The following GALNT13 variants were observed in gnomAD, a reference collection of about 807,000 sequenced individuals.
The protein encoded by GALNT13 is UDP-GalNAc:polypeptide N-acetylgalactosaminyltransferase 13.
A neutral mutation model predicts 64.2 loss-of-function variants in GALNT13; 28 were observed. The ratio of observed to expected loss-of-function variants is 0.44; its 90% CI spans 0.32 to 0.60. The LOEUF is 0.60. GALNT13 is among the 20% of genes least tolerant of loss of function. The pLI is 0.05. For missense variants in GALNT13, 577 were observed against 669.8 expected (o/e 0.86, Z 1.53); for synonymous variants, 214 against 224.6 (o/e 0.95, Z 0.42).
chr2:153,126,239 T>C, the GALNT13 span, among the ~76,000 whole-genome samples: 12 of 149,420 alleles, frequency 8.0e-5, no homozygotes, highest in Admixed American at 7.4e-4. Flanking sequence ...TGATGAAGAA[T>C]TGTATTTGTA....
intron 3 of GALNT13, among the ~76,000 whole-genome samples, chr2:153,979,557 G>A (rs115135528): frequency 2.2e-3 from 336 of 152,198 alleles, no homozygotes; most frequent in African/African-American, 7.8e-3. Context: ...ATTTCAATAG[G>A]TATTGATATG....
the GALNT13 span, among the ~76,000 whole-genome samples, chr2:153,280,947 A>T: frequency 3.3e-4 from 50 of 152,192 alleles, 2 homozygotes; most frequent in Non-Finnish European, 5.9e-5. Flanking sequence ...GACTGGCGCA[A>T]TGCTGTAAGT....
chr2:154,219,210 C>T (rs1688199957), intron 4 of GALNT13, among the ~76,000 whole-genome samples: 1 of 152,004 alleles, frequency 6.6e-6, no homozygotes, highest in Non-Finnish European at 1.5e-5. Flanking sequence ...GACTACAATG[C>T]AGGCACTGTG....
At chr2:153,736,561 A>C in the GALNT13 span, among the ~76,000 whole-genome samples, 79 of 152,292 alleles carry the variant, frequency 5.2e-4, no homozygotes, top group African/African-American at 1.9e-3. Flanking sequence ...AAGAACATGT[A>C]TATGTTCATG....
the GALNT13 span, among the ~76,000 whole-genome samples, chr2:153,419,782 TG>T: frequency 2.6e-5 from 4 of 152,160 alleles, no homozygotes; most frequent in African/African-American, 9.6e-5. Context: ...ATGCTATCAC[TG>T]GGGGAAACTA....
At chr2:153,680,473 AAG>A in the GALNT13 span, among the ~76,000 whole-genome samples, 27 of 152,052 alleles carry the variant, frequency 1.8e-4, no homozygotes, top group African/African-American at 6.0e-4. Context: ...GTTTGCATAA[AAG>A]AGAATAAAAA....
the GALNT13 span, among the ~76,000 whole-genome samples, chr2:153,616,826 A>G: frequency 2.6e-5 from 4 of 152,036 alleles, no homozygotes; most frequent in South Asian, 8.3e-4. Context: ...TTTCTTGTGG[A>G]GTCTTTAGAT....
At chr2:153,192,100 C>T in the GALNT13 span, among the ~76,000 whole-genome samples, 1 of 151,620 alleles carries the variant, frequency 6.6e-6, no homozygotes, top group Non-Finnish European at 1.5e-5. Flanking sequence ...TTGGTTTGCT[C>T]TTCTTTTTTA....
the GALNT13 span, among the ~76,000 whole-genome samples, chr2:153,303,156 T>G: frequency 6.6e-6 from 1 of 152,198 alleles, no homozygotes; most frequent in Admixed American, 6.5e-5. Flanking sequence ...ACAATATTAA[T>G]TCTGGAAATT....
At chr2:154,422,737 A>C (rs905434677) in intron 11 of GALNT13, among the ~76,000 whole-genome samples, 4 of 152,174 alleles carry the variant, frequency 2.6e-5, no homozygotes, top group African/African-American at 9.6e-5. Context: ...AGGAATGATC[A>C]AAGTGGTCTT....
chr2:153,090,331 A>G, the GALNT13 span, among the ~76,000 whole-genome samples: 4 of 152,212 alleles, frequency 2.6e-5, no homozygotes, highest in African/African-American at 9.6e-5. Flanking sequence ...GGCTACCAGC[A>G]TCTGCTCTGG....
At chr2:153,613,343 TTAATA>T in the GALNT13 span, among the ~76,000 whole-genome samples, 1 of 152,248 alleles carries the variant, frequency 6.6e-6, no homozygotes, top group East Asian at 1.9e-4. Flanking sequence ...TTGCTGTAAG[TTAATA>T]TAATAATTAC....
the GALNT13 span, among the ~76,000 whole-genome samples, chr2:153,206,237 T>C: frequency 6.6e-6 from 1 of 152,018 alleles, no homozygotes; most frequent in Non-Finnish European, 1.5e-5. Flanking sequence ...TTGCACAGAA[T>C]TTGGTGTAAA....
chr2:153,844,110 G>A, the GALNT13 span, among the ~76,000 whole-genome samples: 1 of 152,008 alleles, frequency 6.6e-6, no homozygotes, highest in Non-Finnish European at 1.5e-5. Flanking sequence ...GCTCCATTGG[G>A]GACTCTTTGT....
the GALNT13 span, chr2:153,478,863 T>C: frequency 2.8e-6 from 1 of 360,866 alleles, no homozygotes; most frequent in Non-Finnish European, 5.1e-6. Flanking sequence ...CCGTGGGAGG[T>C]GCGGGCCGCG....
the GALNT13 span, among the ~76,000 whole-genome samples, chr2:153,558,321 T>G: frequency 2.0e-5 from 3 of 152,218 alleles, no homozygotes; most frequent in African/African-American, 7.2e-5. Flanking sequence ...TATTTTCCAC[T>G]GCTCTGCTTG....
chr2:154,234,861 C>G (rs929130539), intron 4 of GALNT13, among the ~76,000 whole-genome samples: 2 of 151,928 alleles, frequency 1.3e-5, no homozygotes, highest in East Asian at 1.9e-4. Context: ...TCCTTCTGTT[C>G]TACTTTTAAA....
chr2:153,094,689 G>C, the GALNT13 span, among the ~76,000 whole-genome samples: 1 of 152,100 alleles, frequency 6.6e-6, no homozygotes, highest in African/African-American at 2.4e-5. Context: ...CCAAAACAGA[G>C]ATACAGACCA....
chr2:154,156,794 A>G (rs1014333574), intron 4 of GALNT13, among the ~76,000 whole-genome samples: 2 of 152,198 alleles, frequency 1.3e-5, no homozygotes, highest in Non-Finnish European at 2.9e-5. Flanking sequence ...GCCCTTGAAT[A>G]AAGTCTGGAA....
Sources: gnomAD v4.1 joint callset for allele counts (sites outside exome capture counted in the v4.1 genomes callset) on GRCh38, gnomAD v4.1.1 for gene constraint, MANE v1.5 for transcripts, NCBI Gene and HGNC (gene_info 2026-07-23, HGNC 2026-07-21) for gene names.